DPYSL2: variants seen among roughly 807,000 people sequenced by gnomAD.
The protein encoded by DPYSL2 is dihydropyrimidinase like 2.
DPYSL2 carries 13 observed loss-of-function variants against 69.9 expected under a neutral mutation model. The observed-to-expected ratio is 0.19, with a 90% confidence interval of 0.12 to 0.30. DPYSL2 has a LOEUF of 0.30. Among genes scored for constraint, DPYSL2 ranks in the 10% least tolerant of loss-of-function variants. The pLI, the probability that DPYSL2 is intolerant of heterozygous loss-of-function variation, is 1.00. For missense variants in DPYSL2, 587 were observed against 918.9 expected (o/e 0.64, Z 4.67); for synonymous variants, 326 against 359.1 (o/e 0.91, Z 1.04).
At chr8:26,519,958 T>C (rs1357250410) in intron 1 of DPYSL2, among the ~76,000 whole-genome samples, 2 of 152,184 alleles carry the variant, frequency 1.3e-5, no homozygotes, top group East Asian at 1.9e-4. Context: ...TAAAATGATA[T>C]GGTTTGGCTG....
chr8:26,569,780 G>A (rs1192059522), intron 1 of DPYSL2, among the ~76,000 whole-genome samples: 3 of 152,186 alleles, frequency 2.0e-5, no homozygotes, highest in African/African-American at 7.2e-5. Flanking sequence ...GGATGCATGG[G>A]CAAGAAGGAG....
At position 26,553,329 on chromosome 8, in the gene DPYSL2, CTAAGCCT is replaced by C. The variant is rs1294519936; in HGVS notation, c.355-28639_355-28633del. Among the ~76,000 whole-genome samples the C allele has an allele frequency of 3.3e-5, 5 of 150,584 alleles. No individual in the cohort carries two copies. In the Admixed American group the frequency reaches 3.4e-4, roughly 10 times the overall value. On this transcript the variant is annotated intron_variant, in intron 1 of 13. Coordinates refer to ENST00000521913, the MANE Select transcript of DPYSL2 (RefSeq NM_001197293.3). The stretch of plus-strand genomic sequence containing the variant: ...TACAGATTATTTCATCACCCAGGTA[CTAAGCCT>C]AGTACCCAATACTTATTTTTTTCTG...
intron 1 of DPYSL2, among the ~76,000 whole-genome samples, chr8:26,541,668 G>T (rs1800685720): frequency 6.6e-6 from 1 of 152,118 alleles, no homozygotes. Context: ...TTGTCTACAA[G>T]AATACAAAGT....
In DPYSL2 at chr8:26,587,370, CT is replaced by C. The variant is rs1801630826; in HGVS notation, c.628+3388del. ...CTCCCAACTCCCCGCCACCCCGCCC[CT>C]GGGCACTCCACCCTCCTGGCTTTCT... On this transcript the variant is annotated intron_variant, in intron 3 of 13. Coordinates refer to ENST00000521913, the MANE Select transcript of DPYSL2 (RefSeq NM_001197293.3). The surrounding 1 kb of genome is among the most constrained non-coding windows in gnomAD (Gnocchi z 4.2). Among the ~76,000 whole-genome samples the C allele has an allele frequency of 6.6e-6, 1 of 152,174 alleles. No individual in the cohort carries two copies. Among genetic ancestry groups the C allele is most frequent in the Non-Finnish European group, 1.5e-5 (1 of 68,036 alleles).
intron 1 of DPYSL2, among the ~76,000 whole-genome samples, chr8:26,540,772 G>A (rs1015401815): frequency 2.6e-5 from 4 of 152,136 alleles, no homozygotes; most frequent in South Asian, 2.1e-4. Context: ...AGGCATGGTG[G>A]CACATGCCTG....
chr8:26,542,130 T>A (rs1017022345), intron 1 of DPYSL2, among the ~76,000 whole-genome samples: 1 of 151,904 alleles, frequency 6.6e-6, no homozygotes, highest in African/African-American at 2.4e-5. Context: ...TACAAAAAAA[T>A]TTTAAAAATT....
intron 1 of DPYSL2, among the ~76,000 whole-genome samples, chr8:26,544,007 C>T (rs1800724922): frequency 6.6e-6 from 1 of 152,072 alleles, no homozygotes; most frequent in African/African-American, 2.4e-5. Context: ...CTTCTGTCAA[C>T]CCAATGGACA....
At position 26,624,600 on chromosome 8, in the gene DPYSL2, C is replaced by G. The variant is rs1440599437; in HGVS notation, c.793+293C>G. ...CTTATTGGTTTGTGAGCACCGTGCT[C>G]TCTAGCCAGGGTGGGGAGTTGAGGC... On this transcript the variant is annotated intron_variant, in intron 4 of 13. Transcript: ENST00000521913. The surrounding 1 kb of genome is among the most constrained non-coding windows in gnomAD (Gnocchi z 4.7). Among the ~76,000 whole-genome samples, 1 of 152,162 alleles carries G rather than the reference C, an allele frequency of 6.6e-6. No homozygotes were observed. The highest frequency in any genetic ancestry group is 6.5e-5 in the Admixed American group (1 of 15,278).
rs989888672 is a variant in DPYSL2 at position 26,586,614 on chromosome 8, G to A, written c.628+2631G>A. On this transcript the variant is annotated intron_variant, in intron 3 of 13. Coordinates refer to ENST00000521913, the MANE Select transcript of DPYSL2 (RefSeq NM_001197293.3). The surrounding 1 kb of genome is among the most constrained non-coding windows in gnomAD (Gnocchi z 4.7). ...TGCCACCACCCCGAATTTCTCTTTC[G>A]TCTTCCCCCTCAGAGGCTGTGGCCT... is the stretch of plus-strand genomic sequence containing the variant. Among the ~76,000 whole-genome samples, 37 of 152,008 alleles carry A rather than the reference G, an allele frequency of 2.4e-4. No homozygotes were observed. Among genetic ancestry groups the A allele is most frequent in the African/African-American group, 8.9e-4 (37 of 41,354 alleles).
intron 3 of DPYSL2, among the ~76,000 whole-genome samples, chr8:26,589,736 T>G (rs1490016335): frequency 6.6e-6 from 1 of 152,234 alleles, no homozygotes; most frequent in Non-Finnish European, 1.5e-5. Context: ...GACAGCTCCC[T>G]CTGTCTGGGC....
intron 3 of DPYSL2, among the ~76,000 whole-genome samples, chr8:26,601,887 G>T (rs1437924654): frequency 6.6e-6 from 1 of 152,236 alleles, no homozygotes; most frequent in Admixed American, 6.5e-5. Flanking sequence ...ATAGTGGTGC[G>T]AAAGCAGGGA....
At chr8:26,589,237 C>G (rs1255298694) in intron 3 of DPYSL2, among the ~76,000 whole-genome samples, 1 of 152,240 alleles carries the variant, frequency 6.6e-6, no homozygotes, top group African/African-American at 2.4e-5. Context: ...GGTGGCCCAG[C>G]CTGGGTGCTT....
Position 26,643,997 on chromosome 8 carries a change from C to A in DPYSL2, c.1331C>A (p.Ala444Asp). 1 of 1,614,174 alleles carries A rather than the reference C, an allele frequency of 6.2e-7. No homozygotes were observed. Among genetic ancestry groups the A allele is most frequent in the Non-Finnish European group, 8.5e-7 (1 of 1,180,018 alleles). The change falls in exon 10 of 14, where the codon GCC becomes GAC. Residue 444 changes from alanine to aspartate, a missense_variant. Coordinates refer to ENST00000521913, the MANE Select transcript of DPYSL2 (RefSeq NM_001197293.3). The surrounding 1 kb of genome is among the most constrained non-coding windows in gnomAD (Gnocchi z 6.5). The part of the protein sequence containing the change: ...TGSAHCTFNT[A>D]QKAVGKDNFT... The stretch of plus-strand genomic sequence containing the variant: ...AGTGCCCATTGCACGTTTAACACTG[C>A]CCAGAAGGCTGTAGGAAAGGACAAC...
chr8:26,619,912 G>A lies in DPYSL2; in HGVS notation c.629-4231G>A, dbSNP rs1297818424. 1 of 152,208 alleles carries A rather than the reference G, an allele frequency of 6.6e-6. No homozygotes were observed. The highest frequency in any genetic ancestry group is 1.5e-5 in the Non-Finnish European group (1 of 68,084). 9.4% of individuals were successfully genotyped at this position (152,208 alleles called of 1,614,324 possible). ...ATTACTGTGCACCCTGAAGTCTGAG[G>A]AGTCTAGCACCAGATGATCTGACGA... is the stretch of plus-strand genomic sequence containing the variant. On this transcript the variant is annotated intron_variant, in intron 3 of 13. Transcript: ENST00000521913. The surrounding 1 kb of genome is among the most constrained non-coding windows in gnomAD (Gnocchi z 4.8).
chr8:26,530,775 T>C (rs1800497226), intron 1 of DPYSL2, among the ~76,000 whole-genome samples: 1 of 152,216 alleles, frequency 6.6e-6, no homozygotes, highest in Non-Finnish European at 1.5e-5. Context: ...AGTGAGCTCT[T>C]ATGGTATACC....
intron 1 of DPYSL2, among the ~76,000 whole-genome samples, chr8:26,575,630 G>T (rs1040297697): frequency 1.3e-5 from 2 of 152,124 alleles, no homozygotes; most frequent in African/African-American, 4.8e-5. Flanking sequence ...TCATAGCAAT[G>T]GCTATACAAT....
chr8:26,615,264 A>G (rs1193396602), intron 3 of DPYSL2, among the ~76,000 whole-genome samples: 1 of 152,244 alleles, frequency 6.6e-6, no homozygotes, highest in Non-Finnish European at 1.5e-5. Context: ...CCAGACACAT[A>G]GGAAGTGCTG....
rs1439334742 is a variant in DPYSL2, at chr8:26,614,643, A to T, written c.629-9500A>T. On this transcript the variant is annotated intron_variant, in intron 3 of 13. Coordinates refer to ENST00000521913, the MANE Select transcript of DPYSL2 (RefSeq NM_001197293.3). The surrounding 1 kb of genome is among the most constrained non-coding windows in gnomAD (Gnocchi z 4.9). ...AACACTTCCCCCAGAGTTAGTCATA[A>T]TCATTCTAGCAGGGCTTCTAGATGC... 6.6e-6 allele frequency among the ~76,000 whole-genome samples: 1 copy of T among 152,182 alleles called. No individual in the cohort carries two copies. Among genetic ancestry groups the T allele is most frequent in the East Asian group, 1.9e-4 (1 of 5,200 alleles).
At chr8:26,531,750 A>G (rs1443224713) in intron 1 of DPYSL2, among the ~76,000 whole-genome samples, 3 of 152,176 alleles carry the variant, frequency 2.0e-5, no homozygotes, top group Non-Finnish European at 4.4e-5. Flanking sequence ...AAGAGAGACA[A>G]CAGCATTTCA....
Sources: allele counts gnomAD v4.1 joint callset (sites outside exome capture counted in the v4.1 genomes callset), GRCh38; gene constraint gnomAD v4.1.1; non-coding constraint Gnocchi (gnomAD v3.1); transcripts MANE v1.5; gene names NCBI Gene and HGNC (gene_info 2026-07-23, HGNC 2026-07-21).